The following STXBP5L variants were observed in gnomAD, a reference collection of about 807,000 sequenced individuals.
STXBP5L encodes syntaxin binding protein 5L, also known as syntaxin-binding protein 5-like.
Under a neutral mutation model 144.5 loss-of-function variants are expected in STXBP5L, and 65 were observed. The observed-to-expected ratio is 0.45, with a 90% confidence interval of 0.37 to 0.55. STXBP5L has a LOEUF of 0.55. Ranked by LOEUF, STXBP5L falls within the 20% of genes least tolerant of loss-of-function variation. The pLI is 0.00. For missense variants in STXBP5L, 1,298 were observed against 1,405.5 expected, an observed-to-expected ratio of 0.92 and a Z score of 1.22; for synonymous variants, 505 against 469.6, an observed-to-expected ratio of 1.08 and a Z score of -0.97.
At chr3:121,328,622 C>A (rs558143107) in intron 20 of STXBP5L, among the ~76,000 whole-genome samples, 2 of 152,014 alleles carry the variant, frequency 1.3e-5, no homozygotes, top group Non-Finnish European at 2.9e-5. Flanking sequence ...TGGTGGCATG[C>A]GCCTGTAATC....
intron 2 of STXBP5L, among the ~76,000 whole-genome samples, chr3:120,917,010 G>A (rs1339457611): frequency 1.3e-5 from 2 of 152,168 alleles, no homozygotes; most frequent in Non-Finnish European, 2.9e-5. Flanking sequence ...AAACATCCAT[G>A]TAGATGGAAA....
chr3:121,028,699 T>C (rs905298080), intron 3 of STXBP5L, among the ~76,000 whole-genome samples: 6 of 151,892 alleles, frequency 4.0e-5, no homozygotes, highest in Non-Finnish European at 2.9e-5. Context: ...GCAAAGAAAA[T>C]AAAAGAAAAC....
At chr3:121,256,694 TACAC>T (rs1418763034) in intron 16 of STXBP5L, among the ~76,000 whole-genome samples, 1 of 151,794 alleles carries the variant, frequency 6.6e-6, no homozygotes. Flanking sequence ...AATTTTTTCA[TACAC>T]ACACAAACAT....
At chr3:121,380,965 C>A (rs1023239950) in intron 21 of STXBP5L, among the ~76,000 whole-genome samples, 1 of 151,992 alleles carries the variant, frequency 6.6e-6, no homozygotes, top group African/African-American at 2.4e-5. Context: ...TTCTTGTAAC[C>A]ATTACTATTT....
chr3:121,141,839 G>A (rs547270318), intron 7 of STXBP5L, among the ~76,000 whole-genome samples: 2 of 151,892 alleles, frequency 1.3e-5, no homozygotes, highest in South Asian at 2.1e-4. Context: ...GAGAGGAAAG[G>A]ACAGACAAAA....
At chr3:121,014,327 T>C (rs1944989975) in intron 3 of STXBP5L, among the ~76,000 whole-genome samples, 1 of 151,878 alleles carries the variant, frequency 6.6e-6, no homozygotes. Context: ...TACATCAACA[T>C]CCACCGTAGG....
chr3:121,069,775 G>T (rs1181860226), intron 5 of STXBP5L, among the ~76,000 whole-genome samples: 1 of 151,894 alleles, frequency 6.6e-6, no homozygotes, highest in Admixed American at 6.6e-5. Flanking sequence ...TTTGTTTAAG[G>T]TATGAGATTG....
At chr3:121,182,907 C>T (rs1285932655) in intron 9 of STXBP5L, among the ~76,000 whole-genome samples, 2 of 152,060 alleles carry the variant, frequency 1.3e-5, no homozygotes, top group African/African-American at 4.8e-5. Context: ...TGCAAAAATC[C>T]TTAACAAAAT....
chr3:121,152,257 A>G (rs890184578), intron 7 of STXBP5L, among the ~76,000 whole-genome samples: 8 of 151,644 alleles, frequency 5.3e-5, no homozygotes, highest in Admixed American at 2.6e-4. Context: ...ATTCTTCCTT[A>G]TTTCCTCTTT....
intron 20 of STXBP5L, among the ~76,000 whole-genome samples, chr3:121,356,269 C>T (rs2045509934): frequency 6.6e-6 from 1 of 152,238 alleles, no homozygotes; most frequent in African/African-American, 2.4e-5. Flanking sequence ...TTGTCTGCTG[C>T]CTTTTGTTCA....
intron 9 of STXBP5L, among the ~76,000 whole-genome samples, chr3:121,194,046 A>G (rs1191908922): frequency 6.6e-6 from 1 of 152,144 alleles, no homozygotes; most frequent in Non-Finnish European, 1.5e-5. Flanking sequence ...AAAATGACAT[A>G]TCCTACAATT....
intron 5 of STXBP5L, among the ~76,000 whole-genome samples, chr3:121,054,542 G>A (rs1367655685): frequency 7.2e-6 from 1 of 138,192 alleles, no homozygotes; most frequent in African/African-American, 2.7e-5. Context: ...TGAACAATGA[G>A]AACACATGGA....
chr3:120,971,456 C>CA (rs1237553263), intron 3 of STXBP5L, among the ~76,000 whole-genome samples: 3 of 151,942 alleles, frequency 2.0e-5, no homozygotes, highest in Non-Finnish European at 4.4e-5. Context: ...TGTGTACCCA[C>CA]TGTTTAGCTT....
intron 9 of STXBP5L, chr3:121,159,035 A>G (rs1328827633): frequency 1.3e-5 from 2 of 152,036 alleles, no homozygotes; most frequent in African/African-American, 4.8e-5. Flanking sequence ...GCCTCACAAT[A>G]ACATAAGCAC....
intron 2 of STXBP5L, among the ~76,000 whole-genome samples, chr3:120,953,154 A>T (rs1937630079): frequency 6.6e-6 from 1 of 152,002 alleles, no homozygotes; most frequent in Non-Finnish European, 1.5e-5. Flanking sequence ...CAAGAAATGG[A>T]TCTTACAGAC....
intron 3 of STXBP5L, among the ~76,000 whole-genome samples, chr3:120,966,735 A>G (rs535015990): frequency 6.6e-6 from 1 of 152,096 alleles, no homozygotes; most frequent in Non-Finnish European, 1.5e-5. Context: ...GGTGTGTTCC[A>G]CTTAGGCTAC....
At chr3:121,114,500 T>A (rs2044146651) in intron 5 of STXBP5L, among the ~76,000 whole-genome samples, 1 of 152,124 alleles carries the variant, frequency 6.6e-6, no homozygotes, top group South Asian at 2.1e-4. Flanking sequence ...TTGAAGCAAA[T>A]ATGATCTTAA....
chr3:121,277,781 A>G (rs1246517740), intron 18 of STXBP5L, among the ~76,000 whole-genome samples: 2 of 151,812 alleles, frequency 1.3e-5, no homozygotes, highest in African/African-American at 4.8e-5. Flanking sequence ...GTTACTTGGA[A>G]TCTGTAGCTA....
intron 20 of STXBP5L, among the ~76,000 whole-genome samples, chr3:121,322,978 G>T (rs528386583): frequency 6.6e-6 from 1 of 152,088 alleles, no homozygotes; most frequent in African/African-American, 2.4e-5. Context: ...ATGTTTGTTG[G>T]CTGCTTGTGT....
Sources: gnomAD v4.1 joint callset for allele counts (sites outside exome capture counted in the v4.1 genomes callset) on GRCh38, gnomAD v4.1.1 for gene constraint, MANE v1.5 for transcripts, NCBI Gene and HGNC (gene_info 2026-07-23, HGNC 2026-07-21) for gene names.